HAS1: variants seen among roughly 807,000 people sequenced by gnomAD.
HAS1 encodes the protein HA synthase 1.
HAS1 carries 27 observed loss-of-function variants against 35.0 expected under a neutral mutation model. The observed-to-expected ratio is 0.77, with a 90% CI of 0.57 to 1.06. The LOEUF (loss-of-function observed/expected upper bound fraction) is 1.06. Among genes scored for constraint, HAS1 ranks in the 50% least tolerant of loss-of-function variants. The pLI is 0.00. For missense variants in HAS1, 940 were observed against 814.8 expected (o/e 1.15, Z -1.87); for synonymous variants, 409 against 371.2 (o/e 1.10, Z -1.17).
Position 51,713,445 on chromosome 19 carries a change from GC to G in HAS1, c.1715del (p.Gly572AlafsTer101). ...VRRLCRRRTG[G>X]YRVQV is the part of the protein sequence containing the mutation. ...GCTGGACTCACACCTGGACGCGGTA[GC>G]CCCCGGTCCGCCGCCGGCAAAGCCT... is the stretch of plus-strand genomic sequence containing the variant. On this transcript the variant is annotated frameshift_variant, in exon 5 of 5. Transcript: ENST00000540069. LOFTEE classifies it high-confidence loss of function. The surrounding 1 kb of genome is among the most constrained non-coding windows in gnomAD (Gnocchi z 4.5). The G allele has an allele frequency of 2.6e-6, 4 of 1,536,542 alleles. No individual in the cohort carries two copies. The highest frequency in any genetic ancestry group is 1.8e-6 in the Non-Finnish European group (2 of 1,140,348).
chr19:51,718,445 T>C (rs1453294817), intron 2 of HAS1, among the ~76,000 whole-genome samples: 3 of 152,114 alleles, frequency 2.0e-5, no homozygotes, highest in Admixed American at 2.0e-4. Flanking sequence ...AATAAATGAG[T>C]AAATGATCTC....
chr19:51,713,893 T>C lies in HAS1; in HGVS notation c.1268A>G (p.Tyr423Cys). The C allele has an allele frequency of 6.2e-7, 1 of 1,606,718 alleles. No individual in the cohort carries two copies. The highest frequency in any genetic ancestry group is 8.5e-7 in the Non-Finnish European group (1 of 1,179,852). Residue 423 changes from tyrosine to cysteine, a missense_variant, in exon 5 of 5, where the codon TAC (tyrosine) becomes TGC (cysteine). Physicochemically the swap from Tyr to Cys is radical, Grantham distance 194. Coordinates refer to ENST00000540069, the MANE Select transcript of HAS1 (RefSeq NM_001297436.2). The surrounding 1 kb of genome is among the most constrained non-coding windows in gnomAD (Gnocchi z 4.5). ...FVAATVLRLFYAGRPWALLWV... is the reference protein window; with the variant it reads ...FVAATVLRLFCAGRPWALLWV... ...CAGCAGCGCCCAAGGGCGGCCCGCG[T>C]AGAACAGACGCAGCACAGTGGCCGC...
At position 51,719,559 on chromosome 19, in the gene HAS1, A is replaced by G. The variant is rs2083610985; in HGVS notation, c.346T>C (p.Ser116Pro). The change falls in exon 2 of 5, where the codon TCC becomes CCC. Residue 116 changes from serine (S) to proline (P), a missense_variant. Ser to Pro is a moderately conservative substitution (Grantham distance 74). Coordinates refer to ENST00000540069, the MANE Select transcript of HAS1 (RefSeq NM_001297436.2). ...DPAYLRQCLA[S>P]ARALLYPRAR... ...CGCGGGTACAGCAGGGCGCGGGCGG[A>G]CGCCAGGCACTGGCGCAGGTACGCG... 1 of 1,545,674 alleles carries G rather than the reference A, an allele frequency of 6.5e-7. No individual in the cohort carries two copies. Among genetic ancestry groups the G allele is most frequent in the Admixed American group, 2.0e-5 (1 of 50,642 alleles).
chr19:51,721,974 G>A (rs1402717208), intron 1 of HAS1, among the ~76,000 whole-genome samples: 1 of 152,170 alleles, frequency 6.6e-6, no homozygotes, highest in Non-Finnish European at 1.5e-5. Flanking sequence ...GACACTGAGA[G>A]GCAAATACTT....
At chr19:51,714,376 A>AAATAAATAAATAAAT (rs2083570082) in intron 4 of HAS1, among the ~76,000 whole-genome samples, 1 of 123,000 alleles carries the variant, frequency 8.1e-6, no homozygotes, top group Non-Finnish European at 1.6e-5. Context: ...TCTACTAAAT[A>AAATAAATAAATAAAT]AATAAATAAA....
intron 4 of HAS1, among the ~76,000 whole-genome samples, chr19:51,715,096 C>G (rs1723367979): frequency 6.6e-6 from 1 of 152,098 alleles, no homozygotes; most frequent in African/African-American, 2.4e-5. Flanking sequence ...AGAGGAGAAT[C>G]CTGGGCATTA....
Position 51,719,873 on chromosome 19 carries a change from G to C in HAS1, c.32C>G (p.Ala11Gly). 3 of 1,538,594 alleles carry C rather than the reference G, an allele frequency of 1.9e-6. No homozygotes were observed. Among genetic ancestry groups the C allele is most frequent in the Non-Finnish European group, 2.6e-6 (3 of 1,147,100 alleles). Residue 11 changes from alanine to glycine, a missense_variant, in exon 2 of 5, where the codon GCA becomes GGA. Coordinates refer to ENST00000540069, the MANE Select transcript of HAS1 (RefSeq NM_001297436.2). ...GGCCAGGCCGGAGCAGCGGCAGGCTGCAGGAGTGGGCTTGGGCGCGTCCTG... is the reference window on the plus strand; with the variant it reads ...GGCCAGGCCGGAGCAGCGGCAGGCTCCAGGAGTGGGCTTGGGCGCGTCCTG... Reference protein sequence around the residue: MRQDAPKPTPAACRCSGLARR... With the variant: MRQDAPKPTPGACRCSGLARR...
In HAS1 at chr19:51,713,835, C is replaced by T. The variant is rs764415424; in HGVS notation, c.1326G>A (p.Leu442=). 1.2e-5 allele frequency: 19 copies of T among 1,607,066 alleles called. No individual in the cohort carries two copies. The highest frequency in any genetic ancestry group is 1.6e-5 in the Non-Finnish European group (19 of 1,178,904). ...GCCAGGCCGCGAAGGCCGCCTTGGC[C>T]AGTGCCACGCCCTGCACGCACAGCA... is the stretch of plus-strand genomic sequence containing the variant. The part of the protein sequence containing the change: ...WVLLCVQGVA[L]AKAAFAAWLR... The change falls in exon 5 of 5, where the codon CTG becomes CTA. Residue 442 remains leucine (L), a synonymous_variant. Coordinates refer to ENST00000540069, the MANE Select transcript of HAS1 (RefSeq NM_001297436.2). The surrounding 1 kb of genome is among the most constrained non-coding windows in gnomAD (Gnocchi z 4.5).
intron 2 of HAS1, among the ~76,000 whole-genome samples, chr19:51,718,865 A>G (rs115546922): frequency 0.013 from 2,045 of 152,324 alleles, 48 homozygotes; most frequent in African/African-American, 0.046. Context: ...GGATGAATGA[A>G]CAAATGAATC....
rs769299276 is a variant in HAS1 at position 51,714,008 on chromosome 19, C to CA, written c.1152dup (p.Glu385Ter). The CA allele has an allele frequency of 2.5e-6, 4 of 1,613,868 alleles. No individual in the cohort carries two copies. The highest frequency in any genetic ancestry group is 1.3e-5 in the African/African-American group (1 of 74,940). On this transcript the variant is annotated frameshift_variant, in exon 5 of 5. Transcript: ENST00000540069. LOFTEE classifies it low-confidence loss of function (END_TRUNC). ...CACCAGAGCGCGTTGTACAGCCACT[C>CA]ACGGAAGTACGACTTGGACCAGCGT...
In HAS1 at chr19:51,719,519, A is replaced by T. The variant is rs1354406773; in HGVS notation, c.386T>A (p.Val129Asp). 1 of 1,549,202 alleles carries T rather than the reference A, an allele frequency of 6.5e-7. No homozygotes were observed. Among genetic ancestry groups the T allele is most frequent in the South Asian group, 1.2e-5 (1 of 83,772 alleles). ...GCGGTTGCCATCCACCACCATGAGG[A>T]CGCGCAGCCGCGCGCGCGGGTACAG... The part of the protein sequence containing the change: ...ALLYPRARLR[V>D]LMVVDGNRAE... The change falls in exon 2 of 5, where the codon GTC becomes GAC. Residue 129 changes from valine (V) to aspartate (D), a missense_variant. Val to Asp is a radical substitution (Grantham distance 152). Coordinates refer to ENST00000540069, the MANE Select transcript of HAS1 (RefSeq NM_001297436.2).
At chr19:51,722,514 T>G (rs4802856) in intron 1 of HAS1, among the ~76,000 whole-genome samples, 5 of 152,016 alleles carry the variant, frequency 3.3e-5, no homozygotes, top group Non-Finnish European at 5.9e-5. Flanking sequence ...ATCTTATATG[T>G]AGCAGGGGTC....
In HAS1 at chr19:51,719,527, CCG is replaced by C. The variant is rs1203487021; in HGVS notation, c.376_377del (p.Arg126AlafsTer27). The C allele has an allele frequency of 6.5e-7, 1 of 1,548,914 alleles. No homozygotes were observed. The highest frequency in any genetic ancestry group is 8.7e-7 in the Non-Finnish European group (1 of 1,146,106). The stretch of plus-strand genomic sequence containing the variant: ...CATCCACCACCATGAGGACGCGCAG[CCG>C]CGCGCGCGGGTACAGCAGGGCGCGG... ...SARALLYPRA[R>X]LRVLMVVDGN... On this transcript the variant is annotated frameshift_variant, in exon 2 of 5. Coordinates refer to ENST00000540069, the MANE Select transcript of HAS1 (RefSeq NM_001297436.2). LOFTEE classifies it high-confidence loss of function.
intron 1 of HAS1, among the ~76,000 whole-genome samples, chr19:51,722,040 G>A (rs2083634899): frequency 6.6e-6 from 1 of 152,158 alleles, no homozygotes; most frequent in South Asian, 2.1e-4. Flanking sequence ...CAGGCAGTCT[G>A]GCTCTGGCGT....
chr19:51,716,185 T>G, intron 4 of HAS1, 71 bp downstream of exon 4: 1 of 1,331,758 alleles, frequency 7.5e-7, no homozygotes, highest in Non-Finnish European at 1.0e-6. Flanking sequence ...TGGAGAACTC[T>G]CAGCATGCAC....
At chr19:51,716,437 C>T (rs924836941) in intron 3 of HAS1, 49 bp from the exon 4 acceptor site, 6 of 1,546,642 alleles carry the variant, frequency 3.9e-6, no homozygotes, top group Non-Finnish European at 8.8e-7. Context: ...CTGTCACCAA[C>T]ACCAACTCCA....
chr19:51,719,208 G>T lies in HAS1; in HGVS notation c.697C>A (p.Gln233Lys). 1 of 1,559,572 alleles carries T rather than the reference G, an allele frequency of 6.4e-7. No individual in the cohort carries two copies. Among genetic ancestry groups the T allele is most frequent in the African/African-American group, 1.4e-5 (1 of 72,522 alleles). Reference sequence around the variant, plus strand: ...GGGCTGAAGGCGCCTCTACTCACCTGCACGTAGTCCACCGAATCTCCGAGC... The same window carrying T: ...GGGCTGAAGGCGCCTCTACTCACCTTCACGTAGTCCACCGAATCTCCGAGC... Reference protein sequence around the residue: ...KALGDSVDYVQVCDSDTRLDP... With the variant: ...KALGDSVDYVKVCDSDTRLDP... The change falls in exon 2 of 5, where the codon CAG becomes AAG. Residue 233 changes from glutamine (Q) to lysine (K), a missense_variant and splice_region_variant. Transcript: ENST00000540069.
intron 1 of HAS1, among the ~76,000 whole-genome samples, chr19:51,720,255 A>C (rs2083622324): frequency 6.6e-6 from 1 of 151,338 alleles, no homozygotes; most frequent in Admixed American, 6.6e-5. Flanking sequence ...CTGGGACTAC[A>C]AAGAGTGTGC....
rs1170319947 is a variant in HAS1, at chr19:51,713,704, C to A, written c.1457G>T (p.Gly486Val). Reference sequence around the variant, plus strand: ...CTTCCGCCGGCCCGAGGTGCCCCAGCCACTCTGGTTCATGGTGACTAGCGC... The same window carrying A: ...CTTCCGCCGGCCCGAGGTGCCCCAGACACTCTGGTTCATGGTGACTAGCGC... The part of the protein sequence containing the change: ...FLALVTMNQS[G>V]WGTSGRRKLA... Residue 486 changes from glycine (G) to valine (V), a missense_variant, in exon 5 of 5, where the codon GGC becomes GTC. Gly to Val is a moderately radical substitution (Grantham distance 109). Transcript: ENST00000540069. This position sits in a 1 kb window ranked among gnomAD's most constrained non-coding sequence, Gnocchi z 4.5. 1 of 1,604,398 alleles carries A rather than the reference C, an allele frequency of 6.2e-7. No homozygotes were observed. Among genetic ancestry groups the A allele is most frequent in the African/African-American group, 1.3e-5 (1 of 74,838 alleles).
Sources: allele counts gnomAD v4.1 joint callset (sites outside exome capture counted in the v4.1 genomes callset), GRCh38; gene constraint gnomAD v4.1.1; non-coding constraint Gnocchi (gnomAD v3.1); transcripts MANE v1.5; gene names NCBI Gene and HGNC (gene_info 2026-07-23, HGNC 2026-07-21).